POC1B: variants seen among roughly 807,000 people sequenced by gnomAD.
POC1B encodes the protein POC1 centriolar protein homolog B.
In POC1B, 44 loss-of-function variants were observed where a neutral mutation model predicts 60.6. That is an observed-to-expected ratio of 0.73 (90% confidence interval 0.57 to 0.93). POC1B has a LOEUF of 0.93. Among genes scored for constraint, POC1B ranks in the 40% least tolerant of loss-of-function variants. The pLI is 0.00. For missense variants in POC1B, 555 were observed against 572.3 expected, an observed-to-expected ratio of 0.97 and a Z score of 0.31; for synonymous variants, 180 against 198.9, an observed-to-expected ratio of 0.90 and a Z score of 0.80.
At chr12:89,415,961 T>A (rs938774595), downstream of POC1B, among the ~76,000 whole-genome samples, 1 of 152,262 alleles carries the variant, frequency 6.6e-6, no homozygotes, top group Non-Finnish European at 1.5e-5. Context: ...TGTTTGCCTA[T>A]CCTATTTCTT....
chr12:89,443,471 A>C (rs1374054817), intron 10 of POC1B, among the ~76,000 whole-genome samples: 1 of 152,092 alleles, frequency 6.6e-6, no homozygotes, highest in African/African-American at 2.4e-5. Flanking sequence ...GCTCAACTAC[A>C]TGGAAACTGA....
chr12:89,459,529 A>G lies in POC1B; in HGVS notation c.1113+109T>C, dbSNP rs115014386. The G allele has an allele frequency of 3.4e-3, 1,834 of 534,042 alleles. 36 individuals carry two copies. Among genetic ancestry groups the G allele is most frequent in the African/African-American group, 0.033 (1,647 of 50,596 alleles). 33.1% of individuals were successfully genotyped at this position (534,042 alleles called of 1,614,324 possible). A position where few individuals can be genotyped will look rare whatever the true frequency, so the allele number is the denominator to read the frequency against. ...TTCCTATACTAAAATGTTAGGCTAC[A>G]TAGGCCACGTTTTATCTCCTCCCCC... On this transcript the variant is annotated intron_variant, in intron 10 of 11. Transcript: ENST00000313546.
intron 2 of POC1B, chr12:89,519,748 A>C (rs1870689966): frequency 6.6e-6 from 1 of 152,578 alleles, no homozygotes; most frequent in African/African-American, 2.4e-5. Context: ...TAAGTAAACA[A>C]ATTTTCTTTT....
At chr12:89,524,778 C>A in intron 2 of POC1B, 1 of 625,440 alleles carries the variant, frequency 1.6e-6, no homozygotes, top group Non-Finnish European at 2.8e-6. Flanking sequence ...CTGCTCGGCT[C>A]ACAACTTTTC....
chr12:89,525,012 A>T, intron 2 of POC1B, 108 bp downstream of exon 2: 1 of 1,506,354 alleles, frequency 6.6e-7, no homozygotes, highest in Admixed American at 1.9e-5. Context: ...CTCAACCCTC[A>T]TACAGGCCCT....
At chr12:89,453,306 C>G (rs1225789432) in intron 10 of POC1B, among the ~76,000 whole-genome samples, 1 of 152,164 alleles carries the variant, frequency 6.6e-6, no homozygotes, top group Non-Finnish European at 1.5e-5. Flanking sequence ...ATCCACTTGA[C>G]ATTTACTATC....
At chr12:89,503,501 A>G (rs375299573) in intron 2 of POC1B, among the ~76,000 whole-genome samples, 2 of 152,136 alleles carry the variant, frequency 1.3e-5, no homozygotes, top group African/African-American at 4.8e-5. Context: ...TTGGCCTCCC[A>G]AAGTGCCAAG....
At chr12:89,503,022 A>C (rs1339346516) in intron 2 of POC1B, among the ~76,000 whole-genome samples, 4 of 152,150 alleles carry the variant, frequency 2.6e-5, no homozygotes, top group Non-Finnish European at 4.4e-5. Flanking sequence ...TTGTCTTTGT[A>C]ATTACTTGTG....
intron 2 of POC1B, chr12:89,501,161 T>A: frequency 7.1e-7 from 1 of 1,409,328 alleles, no homozygotes; most frequent in South Asian, 1.2e-5. Flanking sequence ...CATCATAATA[T>A]ATTAGCTAAG....
At chr12:89,500,490 T>C (rs10777172) in intron 2 of POC1B, 1,150,932 of 1,593,338 alleles carry the variant, frequency 0.72, 417,146 homozygotes, top group Middle Eastern at 0.82. Flanking sequence ...ACACCTGACT[T>C]GAAAAAAATG....
chr12:89,438,240 G>T (rs1033067447), intron 10 of POC1B, among the ~76,000 whole-genome samples: 1 of 151,932 alleles, frequency 6.6e-6, no homozygotes, highest in Non-Finnish European at 1.5e-5. Flanking sequence ...GGCGGATCAC[G>T]AGGTCAGAAG....
intron 2 of POC1B, among the ~76,000 whole-genome samples, chr12:89,510,012 A>AT (rs11411488): frequency 0.71 from 108,356 of 151,666 alleles, 38,812 homozygotes; most frequent in Middle Eastern, 0.82. Context: ...CACTCAGTTA[A>AT]TTTTTTTTGT....
At chr12:89,524,267 C>G in intron 2 of POC1B, 1 of 1,613,966 alleles carries the variant, frequency 6.2e-7, no homozygotes, top group Non-Finnish European at 8.5e-7. Flanking sequence ...TCAATGAGTT[C>G]TTCTTGCTGC....
intron 4 of POC1B, among the ~76,000 whole-genome samples, chr12:89,490,324 TTTGTTGTTG>T (rs1034916600): frequency 3.9e-5 from 6 of 152,032 alleles, no homozygotes; most frequent in African/African-American, 1.2e-4. Flanking sequence ...CCAGGCAGTT[TTTGTTGTTG>T]TTGTTGTTTG....
chr12:89,459,121 T>TG (rs1882372013), intron 10 of POC1B, among the ~76,000 whole-genome samples: 2 of 152,278 alleles, frequency 1.3e-5, no homozygotes, highest in East Asian at 1.9e-4. Context: ...ATAGGGAATC[T>TG]GCTCTGCAAC....
intron 10 of POC1B, among the ~76,000 whole-genome samples, chr12:89,452,541 T>G (rs986834008): frequency 6.6e-6 from 1 of 152,174 alleles, no homozygotes; most frequent in African/African-American, 2.4e-5. Flanking sequence ...TTTAAGAGTA[T>G]CAAATTTTTG....
intron 2 of POC1B, among the ~76,000 whole-genome samples, chr12:89,508,360 T>TC (rs1386191522): frequency 6.6e-6 from 1 of 152,268 alleles, no homozygotes; most frequent in Non-Finnish European, 1.5e-5. Context: ...GGTTGCTCTT[T>TC]GTCTTTATTG....
chr12:89,508,617 G>A lies in POC1B; in HGVS notation c.101-11275C>T, dbSNP rs148153859. On this transcript the variant is annotated intron_variant, in intron 2 of 11. Coordinates refer to ENST00000313546, the MANE Select transcript of POC1B (RefSeq NM_172240.3). ...CTATTTTTCCCTTTGGAATTAATTA[G>A]TAACTTGTAGCATAATATGGTTTGG... Among the ~76,000 whole-genome samples, 37 of 152,262 alleles carry A rather than the reference G, an allele frequency of 2.4e-4. 1 individual carries two copies. The highest frequency in any genetic ancestry group is 7.0e-4 in the African/African-American group (29 of 41,546).
At chr12:89,524,042 T>G in intron 2 of POC1B, 1 of 1,613,550 alleles carries the variant, frequency 6.2e-7, no homozygotes, top group South Asian at 1.1e-5. Flanking sequence ...ACCAAGATGA[T>G]CTCTTTCAAA....
Sources: allele counts gnomAD v4.1 joint callset (sites outside exome capture counted in the v4.1 genomes callset), GRCh38; gene constraint gnomAD v4.1.1; transcripts MANE v1.5; gene names NCBI Gene and HGNC (gene_info 2026-07-23, HGNC 2026-07-21).